Variants in TRIOBP observed in about 807,000 individuals in gnomAD.
TRIOBP encodes the protein TRIO and F-actin binding protein, also known as TRIO and F-actin-binding protein.
TRIOBP carries 169 observed loss-of-function variants against 238.8 expected under a neutral mutation model. The ratio of observed to expected loss-of-function variants is 0.71; its 90% confidence interval spans 0.62 to 0.80. The LOEUF (loss-of-function observed/expected upper bound fraction) is 0.80. TRIOBP is among the 30% of genes least tolerant of loss of function. The pLI, the probability that TRIOBP is intolerant of heterozygous loss-of-function variation, is 0.00. For synonymous variants in TRIOBP, 1,150 were observed against 1,274.4 expected, an observed-to-expected ratio of 0.90 and a Z score of 2.08; for missense variants, 2,838 against 3,122.6, an observed-to-expected ratio of 0.91 and a Z score of 2.17.
chr22:37,729,568 G>T (rs540075053), intron 7 of TRIOBP, among the ~76,000 whole-genome samples: 12 of 152,068 alleles, frequency 7.9e-5, no homozygotes, highest in Non-Finnish European at 1.5e-4. Flanking sequence ...GGGACATTAA[G>T]GTCTTTAAGC....
chr22:37,717,565 C>G (rs959501739), intron 6 of TRIOBP, among the ~76,000 whole-genome samples: 2 of 152,188 alleles, frequency 1.3e-5, no homozygotes, highest in Non-Finnish European at 2.9e-5. Context: ...GATACAGTGT[C>G]CACACAAAGG....
At chr22:37,748,401 C>A (rs1353350387) in intron 11 of TRIOBP, among the ~76,000 whole-genome samples, 2 of 152,092 alleles carry the variant, frequency 1.3e-5, no homozygotes, top group East Asian at 3.9e-4. Flanking sequence ...TCTCTTCCAC[C>A]CCTTTTGCCT....
rs1021446132 is a variant in TRIOBP at position 37,697,297 on chromosome 22, G to A, written c.-170+208G>A. Among the ~76,000 whole-genome samples, 6 of 152,290 alleles carry A rather than the reference G, an allele frequency of 3.9e-5. 1 individual carries two copies. In the South Asian group the frequency reaches 8.3e-4, roughly 21 times the overall value. On this transcript the variant is annotated intron_variant, in intron 1 of 23. Coordinates refer to ENST00000644935, the MANE Select transcript of TRIOBP (RefSeq NM_001039141.3). Reference sequence around the variant, plus strand: ...TTTTAGAGAAGGATTCTGCCTATTGGTTGTGGGTAGGGGAGGAAACGGGAG... The same window carrying A: ...TTTTAGAGAAGGATTCTGCCTATTGATTGTGGGTAGGGGAGGAAACGGGAG...
chr22:37,698,622 G>T (rs1325497599), intron 2 of TRIOBP, among the ~76,000 whole-genome samples: 1 of 151,896 alleles, frequency 6.6e-6, no homozygotes, highest in Non-Finnish European at 1.5e-5. Flanking sequence ...CAAAGTGCTG[G>T]GATTATAGGC....
At chr22:37,712,251 G>C (rs948733974) in intron 4 of TRIOBP, among the ~76,000 whole-genome samples, 1 of 152,050 alleles carries the variant, frequency 6.6e-6, no homozygotes, top group African/African-American at 2.4e-5. Flanking sequence ...GCAATGACAC[G>C]ATGTTGGCTC....
rs1465250831 is a variant in TRIOBP at position 37,734,995 on chromosome 22, G to T, written c.4659G>T (p.Arg1553Ser). 1 of 1,613,322 alleles carries T rather than the reference G, an allele frequency of 6.2e-7. No homozygotes were observed. Among genetic ancestry groups the T allele is most frequent in the East Asian group, 2.2e-5 (1 of 44,876 alleles). Reference protein sequence around the residue: ...GACPYPRGSERRPELDWRDLL... With the variant: ...GACPYPRGSESRPELDWRDLL... ...GTCCATACCCGCGTGGCTCTGAGAG[G>T]CGACCCGAGCTTGACTGGAGGGATC... Residue 1553 changes from arginine to serine, a missense_variant, in exon 9 of 24, where the codon AGG becomes AGT. Physicochemically the swap from Arg to Ser is moderately radical, Grantham distance 110 (BLOSUM62 -1). Transcript: ENST00000644935.
intron 5 of TRIOBP, among the ~76,000 whole-genome samples, chr22:37,715,006 A>T (rs1362438314): frequency 2.0e-5 from 3 of 151,920 alleles, no homozygotes; most frequent in African/African-American, 7.3e-5. Flanking sequence ...AGTGCTTTTT[A>T]TTTTTTATTT....
intron 18 of TRIOBP, among the ~76,000 whole-genome samples, chr22:37,767,107 C>T (rs1470121164): frequency 1.3e-5 from 2 of 151,660 alleles, no homozygotes; most frequent in Non-Finnish European, 2.9e-5. Context: ...AAAAATTAGC[C>T]ATGCGCGGTG....
At position 37,734,422 on chromosome 22, in the gene TRIOBP, G is replaced by C. The variant is rs752817655; in HGVS notation, c.4086G>C (p.Gln1362His). 6.2e-6 allele frequency: 10 copies of C among 1,613,230 alleles called. No homozygotes were observed. In the South Asian group the frequency reaches 1.1e-4, roughly 18 times the overall value. Residue 1362 changes from glutamine to histidine, a missense_variant, in exon 9 of 24, where the codon CAG (glutamine) becomes CAC (histidine). Gln to His is a conservative substitution (Grantham distance 24, BLOSUM62 0). Coordinates refer to ENST00000644935, the MANE Select transcript of TRIOBP (RefSeq NM_001039141.3). ...SRQVTMLPAK[Q>H]AELTRRSQAE... is the part of the protein sequence containing the mutation. ...AGGTGACCATGCTCCCTGCCAAACA[G>C]GCAGAACTGACCCGGCGGAGCCAAG...
At position 37,755,142 on chromosome 22, in the gene TRIOBP, G is replaced by A. The variant is rs531565607; in HGVS notation, c.5529G>A (p.Thr1843=). ...LDGEIDLRSC[T]DVTEYAVQRN... ...GTGAGATCGACCTGCGTTCCTGCAC[G>A]GATGTCACTGAGTACGCGGTGCAGC... is the stretch of plus-strand genomic sequence containing the variant. Residue 1843 remains threonine (T), a synonymous_variant, in exon 14 of 24, where the codon ACG becomes ACA. Transcript: ENST00000644935. 188 of 1,613,788 alleles carry A rather than the reference G, an allele frequency of 1.2e-4. No individual in the cohort carries two copies. The highest frequency in any genetic ancestry group is 2.0e-4 in the African/African-American group (15 of 75,026).
intron 9 of TRIOBP, among the ~76,000 whole-genome samples, 174 bp from the exon 10 acceptor site, chr22:37,738,468 G>C (rs572165562): frequency 2.2e-4 from 33 of 152,306 alleles, no homozygotes; most frequent in Non-Finnish European, 3.8e-4. Context: ...GGGTACATGA[G>C]AGGGTGAGTC....
At chr22:37,756,532 G>C (rs1177253607) in intron 15 of TRIOBP, among the ~76,000 whole-genome samples, 2 of 152,222 alleles carry the variant, frequency 1.3e-5, no homozygotes, top group Non-Finnish European at 2.9e-5. Context: ...GCACTGTGCA[G>C]TTGGACTGTT....
At chr22:37,754,766 G>T in intron 12 of TRIOBP, 111 bp from the exon 13 acceptor site, 3 of 1,036,436 alleles carry the variant, frequency 2.9e-6, no homozygotes, top group Non-Finnish European at 3.0e-6. Context: ...GTCTCAAATT[G>T]GCATTTTCCG....
At chr22:37,703,613 T>C (rs1922774383) in intron 3 of TRIOBP, among the ~76,000 whole-genome samples, 1 of 150,974 alleles carries the variant, frequency 6.6e-6, no homozygotes, top group Non-Finnish European at 1.5e-5. Context: ...TATGCCATTC[T>C]CCTGCCTCAG....
chr22:37,746,640 G>C (rs1375684331), intron 11 of TRIOBP, among the ~76,000 whole-genome samples: 1 of 152,182 alleles, frequency 6.6e-6, no homozygotes, highest in East Asian at 1.9e-4. Context: ...ACTCGCCCCC[G>C]GGAGCCCAGG....
chr22:37,733,394 C>T lies in TRIOBP; in HGVS notation c.4044C>T (p.Ser1348=). The T allele has an allele frequency of 6.4e-7, 1 of 1,550,904 alleles. No individual in the cohort carries two copies. Among genetic ancestry groups the T allele is most frequent in the Non-Finnish European group, 8.7e-7 (1 of 1,147,086 alleles). The change falls in exon 8 of 24, where the codon AGC becomes AGT. Residue 1348 remains serine (S), a synonymous_variant. Coordinates refer to ENST00000644935, the MANE Select transcript of TRIOBP (RefSeq NM_001039141.3). ...GQSQLLRRQS[S]PAPSRQVTML... ...GCCAACTTCTCCGAAGACAGTCCAG[C>T]CCTGCCCCCAGCAGGCAGGTGAGCA...
At chr22:37,712,815 G>A (rs1923320821) in intron 4 of TRIOBP, among the ~76,000 whole-genome samples, 1 of 151,714 alleles carries the variant, frequency 6.6e-6, no homozygotes, top group Non-Finnish European at 1.5e-5. Context: ...AAATTAGCCA[G>A]GCGTGGTGGC....
At position 37,774,329 on chromosome 22, in the gene TRIOBP, A is replaced by T. The variant is rs1284251822; in HGVS notation, c.*549A>T. 1 of 151,890 alleles carries T rather than the reference A, an allele frequency of 6.6e-6. No homozygotes were observed. The highest frequency in any genetic ancestry group is 1.5e-5 in the Non-Finnish European group (1 of 68,080). 9.4% of individuals were successfully genotyped at this position (151,890 alleles called of 1,614,324 possible). A position where few individuals can be genotyped will look rare whatever the true frequency, so the allele number is the denominator to read the frequency against. On this transcript the variant is annotated 3_prime_UTR_variant, in exon 24 of 24. Coordinates refer to ENST00000644935, the MANE Select transcript of TRIOBP (RefSeq NM_001039141.3). Reference sequence around the variant, plus strand: ...CCTCTTCCTGCCCTACCTCCTACTAACACTTCCTGCCCCATTTGGACCCGT... The same window carrying T: ...CCTCTTCCTGCCCTACCTCCTACTATCACTTCCTGCCCCATTTGGACCCGT...
At position 37,723,240 on chromosome 22, in the gene TRIOBP, A is replaced by G. The variant is rs1434737942; in HGVS notation, c.684A>G (p.Glu228=). ...AGQHWARLRG[E]SGLSLERHRS... ...AGCACTGGGCAAGGCTCCGGGGAGA[A>G]AGCGGGTTGTCCCTGGAGCGGCACC... Residue 228 remains glutamate (E), a synonymous_variant, in exon 7 of 24, where the codon GAA becomes GAG. Coordinates refer to ENST00000644935, the MANE Select transcript of TRIOBP (RefSeq NM_001039141.3). 1 of 1,613,912 alleles carries G rather than the reference A, an allele frequency of 6.2e-7. No homozygotes were observed. The highest frequency in any genetic ancestry group is 2.2e-5 in the East Asian group (1 of 44,900).
Sources: allele counts gnomAD v4.1 joint callset (sites outside exome capture counted in the v4.1 genomes callset), GRCh38; gene constraint gnomAD v4.1.1; transcripts MANE v1.5; gene names NCBI Gene and HGNC (gene_info 2026-07-23, HGNC 2026-07-21).